The following UST variants were observed in gnomAD, a reference collection of about 807,000 sequenced individuals.
UST encodes chondroitin sulfate 2-O-sulfotransferase.
A neutral mutation model predicts 45.6 loss-of-function variants in UST; 21 were observed. That is an observed-to-expected ratio of 0.46 (90% CI 0.33 to 0.66). UST has a LOEUF of 0.66. UST is among the 30% of genes least tolerant of loss of function. The pLI, the probability that UST is intolerant of heterozygous loss-of-function variation, is 0.02. For synonymous variants in UST, 215 were observed against 200.6 expected (o/e 1.07, Z -0.61); for missense variants, 463 against 512.4 (o/e 0.90, Z 0.93).
rs571780182 is a variant in UST, at chr6:148,747,192, C to T, written c.-239C>T. ...GCGGGCGCCGGACGGGCGCGGCGCC[C>T]CGTCACGGGCAGCGCCCCGAACCGG... On this transcript the variant is annotated 5_prime_UTR_variant, in exon 1 of 8. Transcript: ENST00000367463. The T allele has an allele frequency of 1.7e-3, 439 of 259,868 alleles. No homozygotes were observed. Among genetic ancestry groups the T allele is most frequent in the African/African-American group, 9.1e-3 (402 of 44,290 alleles). The allele number at this position is 259,868 out of a possible 1,614,324, so 16.1% of individuals were successfully genotyped here.
intron 1 of UST, among the ~76,000 whole-genome samples, chr6:148,877,219 G>A (rs1255024898): frequency 2.5e-5 from 1 of 39,288 alleles, no homozygotes; most frequent in Non-Finnish European, 5.1e-5. Flanking sequence ...TGTGGGTGGG[G>A]GGATCGTGTG....
At position 149,074,164 on chromosome 6, in the gene UST, CTTTG is replaced by C. The variant is rs146401467; in HGVS notation, c.*53_*56del. On this transcript the variant is annotated 3_prime_UTR_variant, in exon 8 of 8. Coordinates refer to ENST00000367463, the MANE Select transcript of UST (RefSeq NM_005715.3). ...CTTTATCTCCCTTTTCCAGAAAGTT[CTTTG>C]TTTGGGGAAGTAAAATCCTTAAGGG... 1,819 of 1,586,420 alleles carry C rather than the reference CTTTG, an allele frequency of 1.1e-3. 21 individuals are homozygous for C. The African/African-American group carries it at 0.016, about 14-fold the overall frequency.
chr6:148,871,141 TCTCTCCCTCTCTCC>T (rs1292395314), intron 1 of UST, among the ~76,000 whole-genome samples: 6 of 149,262 alleles, frequency 4.0e-5, no homozygotes, highest in Non-Finnish European at 7.4e-5. Flanking sequence ...TCTCTCTCTC[TCTCTCCCTCTCTCC>T]CTCTCTCTCT....
rs141409860 is a variant in UST at position 148,913,668 on chromosome 6, G to T, written c.291+26639G>T. Among the ~76,000 whole-genome samples, 92 of 152,020 alleles carry T rather than the reference G, an allele frequency of 6.1e-4. 3 individuals carry two copies. The East Asian group carries it at 0.016, about 27-fold the overall frequency. Reference sequence around the variant, plus strand: ...CCAATGCTTTGGCTTTCCTATGTCAGTTCATACAAACTTCTGATTTTATTA... The same window carrying T: ...CCAATGCTTTGGCTTTCCTATGTCATTTCATACAAACTTCTGATTTTATTA... On this transcript the variant is annotated intron_variant, in intron 2 of 7. Transcript: ENST00000367463.
At chr6:148,753,969 G>A (rs1776039201) in intron 1 of UST, among the ~76,000 whole-genome samples, 1 of 151,494 alleles carries the variant, frequency 6.6e-6, no homozygotes, top group African/African-American at 2.4e-5. Context: ...ATCTTCTTTG[G>A]AAAAATGTCT....
chr6:148,884,345 G>T (rs1195922521), intron 1 of UST, among the ~76,000 whole-genome samples: 1 of 152,174 alleles, frequency 6.6e-6, no homozygotes, highest in African/African-American at 2.4e-5. Flanking sequence ...ACAAGTCCCT[G>T]TTCTCATAAA....
intron 5 of UST, among the ~76,000 whole-genome samples, chr6:149,001,546 C>G (rs909124648): frequency 1.3e-5 from 2 of 152,154 alleles, no homozygotes; most frequent in African/African-American, 4.8e-5. Flanking sequence ...TTGTCAGCAA[C>G]AATAGATATC....
At chr6:149,062,022 A>G (rs1223627881) in intron 7 of UST, among the ~76,000 whole-genome samples, 2 of 152,272 alleles carry the variant, frequency 1.3e-5, no homozygotes, top group Non-Finnish European at 2.9e-5. Context: ...ATCTTCAGTT[A>G]ATGGCTGGGG....
chr6:148,810,330 G>T (rs143997337), intron 1 of UST, among the ~76,000 whole-genome samples: 2 of 152,302 alleles, frequency 1.3e-5, no homozygotes, highest in East Asian at 3.9e-4. Flanking sequence ...TTCAAAAACT[G>T]TACTTTCAAC....
chr6:148,890,805 C>A (rs188574526), intron 2 of UST, among the ~76,000 whole-genome samples: 1 of 152,184 alleles, frequency 6.6e-6, no homozygotes, highest in Non-Finnish European at 1.5e-5. Context: ...TATTTTCTTT[C>A]GGTTGCCACA....
At chr6:149,028,709 A>G (rs1267283750) in intron 7 of UST, among the ~76,000 whole-genome samples, 1 of 152,226 alleles carries the variant, frequency 6.6e-6, no homozygotes, top group Non-Finnish European at 1.5e-5. Context: ...AAGGGGCTGG[A>G]AGACACACAT....
intron 5 of UST, among the ~76,000 whole-genome samples, chr6:148,987,270 C>T (rs1305858294): frequency 6.6e-6 from 1 of 152,172 alleles, no homozygotes; most frequent in African/African-American, 2.4e-5. Context: ...ATGCATGCTG[C>T]TTGGAAGCAG....
intron 7 of UST, among the ~76,000 whole-genome samples, chr6:149,053,655 CGA>C (rs1191915510): frequency 1.3e-5 from 2 of 152,144 alleles, no homozygotes; most frequent in Non-Finnish European, 2.9e-5. Context: ...GGAGGTGAAC[CGA>C]TGGTGCTGTA....
rs533527273 is a variant in UST at position 148,778,397 on chromosome 6, A to G, written c.247+30720A>G. Among the ~76,000 whole-genome samples the G allele has an allele frequency of 5.3e-5, 8 of 152,266 alleles. No homozygotes were observed. The South Asian group carries it at 1.7e-3, about 32-fold the overall frequency. ...ATTTTCTTTTATATCAAGTGATTTG[A>G]CTAAAGGACTGAAAGTCCTGAGTGA... On this transcript the variant is annotated intron_variant, in intron 1 of 7. Transcript: ENST00000367463.
At position 148,799,089 on chromosome 6, in the gene UST, C is replaced by T. The variant is rs1291729800; in HGVS notation, c.247+51412C>T. Among the ~76,000 whole-genome samples, 6 of 152,120 alleles carry T rather than the reference C, an allele frequency of 3.9e-5. No homozygotes were observed. The South Asian group carries it at 8.3e-4, about 21-fold the overall frequency. Reference sequence around the variant, plus strand: ...TTTGCCATGTCAGCCAGGCTGGTCTCGAACTCCTGACCTCAGGTGATTCAC... The same window carrying T: ...TTTGCCATGTCAGCCAGGCTGGTCTTGAACTCCTGACCTCAGGTGATTCAC... On this transcript the variant is annotated intron_variant, in intron 1 of 7. Coordinates refer to ENST00000367463, the MANE Select transcript of UST (RefSeq NM_005715.3).
chr6:148,830,798 A>AG (rs1415293305), intron 1 of UST, among the ~76,000 whole-genome samples: 2 of 148,096 alleles, frequency 1.4e-5, no homozygotes, highest in African/African-American at 5.3e-5. Context: ...TGCCAGAGAC[A>AG]GGGGGGAGGA....
In UST at chr6:148,764,923, G is replaced by T. The variant is rs974255954; in HGVS notation, c.247+17246G>T. ...GCCTGGGGGTGCTGCAGGAGACTAGGGTGTGTTTCATCCCTATCTATATCT... is the reference window on the plus strand; with the variant it reads ...GCCTGGGGGTGCTGCAGGAGACTAGTGTGTGTTTCATCCCTATCTATATCT... On this transcript the variant is annotated intron_variant, in intron 1 of 7. Transcript: ENST00000367463. 2.6e-5 allele frequency among the ~76,000 whole-genome samples: 4 copies of T among 152,064 alleles called. No individual in the cohort carries two copies. The South Asian group carries it at 6.2e-4, about 24-fold the overall frequency.
In UST at chr6:148,934,131, T is replaced by C. The variant is rs1779974431; in HGVS notation, c.292-7148T>C. Among the ~76,000 whole-genome samples, 1 of 152,192 alleles carries C rather than the reference T, an allele frequency of 6.6e-6. No homozygotes were observed. The highest frequency in any genetic ancestry group is 1.5e-5 in the Non-Finnish European group (1 of 68,028). On this transcript the variant is annotated intron_variant, in intron 2 of 7. Coordinates refer to ENST00000367463, the MANE Select transcript of UST (RefSeq NM_005715.3). The surrounding 1 kb of genome is among the most constrained non-coding windows in gnomAD (Gnocchi z 4.1). ...GGTTATAACCTAACTTTCCCCTTTT[T>C]ATAAGTGAGGAAACTGGGGCTCAAG... is the stretch of plus-strand genomic sequence containing the variant.
At chr6:148,953,674 A>T (rs941735275) in intron 3 of UST, among the ~76,000 whole-genome samples, 198 bp from the exon 4 acceptor site, 2 of 150,602 alleles carry the variant, frequency 1.3e-5, no homozygotes, top group African/African-American at 4.9e-5. Context: ...AGAGAGGCTG[A>T]GGCAGGAGAA....
Sources: allele counts gnomAD v4.1 joint callset (sites outside exome capture counted in the v4.1 genomes callset), GRCh38; gene constraint gnomAD v4.1.1; non-coding constraint Gnocchi (gnomAD v3.1); transcripts MANE v1.5; gene names NCBI Gene and HGNC (gene_info 2026-07-23, HGNC 2026-07-21).